DSCAML1: variants seen among roughly 807,000 people sequenced by gnomAD.
DSCAML1 encodes cell adhesion molecule DSCAML1.
A neutral mutation model predicts 200.5 loss-of-function variants in DSCAML1; 38 were observed. That is an observed-to-expected ratio of 0.19 (90% CI 0.15 to 0.25). The LOEUF (loss-of-function observed/expected upper bound fraction) is 0.25, where lower values mean the gene tolerates loss of function less well. Among genes scored for constraint, DSCAML1 ranks in the 10% least tolerant of loss-of-function variants. The pLI, the probability that DSCAML1 is intolerant of heterozygous loss-of-function variation, is 1.00. For missense variants in DSCAML1, 2,223 were observed against 2,858.8 expected (o/e 0.78, Z 5.07); for synonymous variants, 1,215 against 1,165.0 (o/e 1.04, Z -0.87).
chr11:117,796,988 C>T, intron 1 of DSCAML1, 46 bp downstream of exon 1: 1 of 1,316,582 alleles, frequency 7.6e-7, no homozygotes, highest in East Asian at 3.1e-5. Flanking sequence ...GCCGCGCCAC[C>T]CTGGCCCCGC....
In DSCAML1 at chr11:117,566,338, CTT is replaced by C. The variant is rs1555185524; in HGVS notation, c.512-33818_512-33817del. On this transcript the variant is annotated intron_variant, in intron 3 of 32. Coordinates refer to ENST00000651296, the MANE Select transcript of DSCAML1 (RefSeq NM_020693.4). ...CTGTCTCTCTTTCTCCCTTTCTTTT[CTT>C]TCTCTCTCTCTCTCTCTTTTTTTTT... Among the ~76,000 whole-genome samples the C allele has an allele frequency of 6.4e-3, 822 of 128,158 alleles. 16 individuals carry two copies. Among genetic ancestry groups the C allele is most frequent in the African/African-American group, 0.023 (777 of 34,128 alleles). 84.1% of individuals were successfully genotyped at this position (128,158 alleles called of 152,430 possible). A position where few individuals can be genotyped will look rare whatever the true frequency, so the allele number is the denominator to read the frequency against.
chr11:117,664,791 TA>T (rs2052938633), intron 3 of DSCAML1, among the ~76,000 whole-genome samples: 1 of 152,214 alleles, frequency 6.6e-6, no homozygotes, highest in African/African-American at 2.4e-5. Flanking sequence ...TAGCTGTCTT[TA>T]AAAGAATACA....
At chr11:117,661,654 C>T (rs2052855833) in intron 3 of DSCAML1, among the ~76,000 whole-genome samples, 1 of 152,204 alleles carries the variant, frequency 6.6e-6, no homozygotes, top group Admixed American at 6.5e-5. Flanking sequence ...TCCTGCATCC[C>T]TCCCTAAGGC....
intron 3 of DSCAML1, among the ~76,000 whole-genome samples, chr11:117,589,496 G>GCATTCTTTA: frequency 6.6e-6 from 1 of 152,184 alleles, no homozygotes; most frequent in East Asian, 1.9e-4. Flanking sequence ...CTTAGACACG[G>GCATTCTTTA]CAAATGGTTC....
intron 4 of DSCAML1, among the ~76,000 whole-genome samples, chr11:117,529,410 A>G (rs986711577): frequency 7.2e-5 from 11 of 152,116 alleles, no homozygotes; most frequent in African/African-American, 2.4e-4. Context: ...TTTCATTCTC[A>G]TGGCAACCCA....
chr11:117,709,521 C>T (rs911573238), intron 3 of DSCAML1, among the ~76,000 whole-genome samples: 13 of 152,126 alleles, frequency 8.5e-5, no homozygotes, highest in African/African-American at 2.9e-4. Flanking sequence ...TGGGCTTTAA[C>T]ATATGAATTG....
At chr11:117,465,467 C>T (rs1246724135) in intron 16 of DSCAML1, among the ~76,000 whole-genome samples, 1 of 152,210 alleles carries the variant, frequency 6.6e-6, no homozygotes, top group Non-Finnish European at 1.5e-5. Flanking sequence ...CCCTCTGCCG[C>T]GTCCTTGCCG....
chr11:117,794,262 G>A (rs931868340), intron 1 of DSCAML1, among the ~76,000 whole-genome samples: 5 of 152,188 alleles, frequency 3.3e-5, no homozygotes, highest in South Asian at 4.1e-4. Context: ...AAATGCAAAT[G>A]CAGGCAACAC....
Position 117,518,220 on chromosome 11 carries a change from G to A in DSCAML1, c.1510+246C>T, listed in dbSNP as rs1043731355. ...CTGGGCTGGCTGGATTTCTGGACAG[G>A]AGGAAGGAGGAGGGGGAATGGGGAG... On this transcript the variant is annotated intron_variant, in intron 7 of 32. Transcript: ENST00000651296. The surrounding 1 kb of genome is among the most constrained non-coding windows in gnomAD (Gnocchi z 6.3). Among the ~76,000 whole-genome samples, 2 of 152,084 alleles carry A rather than the reference G, an allele frequency of 1.3e-5. No homozygotes were observed. Among genetic ancestry groups the A allele is most frequent in the African/African-American group, 2.4e-5 (1 of 41,390 alleles).
chr11:117,704,452 A>G (rs937104146), intron 3 of DSCAML1, among the ~76,000 whole-genome samples: 2 of 148,692 alleles, frequency 1.3e-5, no homozygotes, highest in South Asian at 4.2e-4. Context: ...CACACAAATT[A>G]AAAAAAATTA....
intron 3 of DSCAML1, among the ~76,000 whole-genome samples, chr11:117,580,604 A>G (rs142337231): frequency 3.0e-4 from 45 of 152,328 alleles, no homozygotes; most frequent in Non-Finnish European, 5.3e-4. Flanking sequence ...ATGATCGTTA[A>G]TAGTTCTGGC....
At position 117,628,094 on chromosome 11, in the gene DSCAML1, G is replaced by A. The variant is rs76229204; in HGVS notation, c.512-95572C>T. ...TCAACCTTATAGTATTTCTGTAAGG[G>A]ACACATCAGCATGTCATTATTCCAA... On this transcript the variant is annotated intron_variant, in intron 3 of 32. Transcript: ENST00000651296. Among the ~76,000 whole-genome samples the A allele has an allele frequency of 6.2e-3, 946 of 152,298 alleles. 10 individuals carry two copies. Among genetic ancestry groups the A allele is most frequent in the African/African-American group, 0.022 (908 of 41,560 alleles).
upstream of DSCAML1, among the ~76,000 whole-genome samples, chr11:117,799,473 C>A (rs1441953607): frequency 9.9e-5 from 15 of 152,134 alleles, no homozygotes; most frequent in Non-Finnish European, 2.2e-4. Context: ...ACACAGGGGG[C>A]TTTAAAGAAC....
At chr11:117,549,212 C>T (rs2137386990) in intron 3 of DSCAML1, among the ~76,000 whole-genome samples, 1 of 152,354 alleles carries the variant, frequency 6.6e-6, no homozygotes, top group African/African-American at 2.4e-5. Context: ...CAATGAGTGG[C>T]TGCAGCCTCC....
chr11:117,784,685 C>G (rs1390137478), intron 1 of DSCAML1, among the ~76,000 whole-genome samples: 1 of 152,192 alleles, frequency 6.6e-6, no homozygotes, highest in Non-Finnish European at 1.5e-5. Flanking sequence ...AGACCCCTGC[C>G]TTGAAGTCTG....
At chr11:117,726,181 A>T (rs2054125775) in intron 3 of DSCAML1, among the ~76,000 whole-genome samples, 1 of 152,110 alleles carries the variant, frequency 6.6e-6, no homozygotes, top group Non-Finnish European at 1.5e-5. Flanking sequence ...TTTGAGCCTC[A>T]GTTTCCTCAT....
intron 3 of DSCAML1, among the ~76,000 whole-genome samples, chr11:117,756,437 A>G (rs1308279601): frequency 6.6e-6 from 1 of 152,210 alleles, no homozygotes; most frequent in African/African-American, 2.4e-5. Context: ...AAGGAAGCAG[A>G]ATTCGGCAGA....
At chr11:117,457,640 G>C (rs1370446688) in intron 19 of DSCAML1, among the ~76,000 whole-genome samples, 1 of 152,164 alleles carries the variant, frequency 6.6e-6, no homozygotes, top group Non-Finnish European at 1.5e-5. Context: ...AGGGAGAGGG[G>C]GCCTGCTGGA....
At chr11:117,525,792 AGT>A (rs1242374722) in intron 4 of DSCAML1, among the ~76,000 whole-genome samples, 1 of 152,192 alleles carries the variant, frequency 6.6e-6, no homozygotes, top group African/African-American at 2.4e-5. Flanking sequence ...GCTGTAGAGC[AGT>A]GATGTGTCAT....
Sources: allele counts gnomAD v4.1 joint callset (sites outside exome capture counted in the v4.1 genomes callset), GRCh38; gene constraint gnomAD v4.1.1; non-coding constraint Gnocchi (gnomAD v3.1); transcripts MANE v1.5; gene names NCBI Gene and HGNC (gene_info 2026-07-23, HGNC 2026-07-21).